Variants in PCDH9 observed in about 807,000 individuals in gnomAD.
PCDH9 encodes the protein protocadherin-9.
PCDH9 carries 24 observed loss-of-function variants against 70.6 expected under a neutral mutation model. That is an observed-to-expected ratio of 0.34 (90% confidence interval 0.25 to 0.48). PCDH9 has a LOEUF of 0.48. Among genes scored for constraint, PCDH9 ranks in the 20% least tolerant of loss-of-function variants. The pLI is 0.99. For missense variants in PCDH9, 1,281 were observed against 1,503.6 expected (o/e 0.85, Z 2.45); for synonymous variants, 562 against 558.5 (o/e 1.01, Z -0.09).
intron 3 of PCDH9, among the ~76,000 whole-genome samples, chr13:66,705,006 AT>A (rs1004673916): frequency 3.3e-5 from 5 of 152,026 alleles, no homozygotes; most frequent in Non-Finnish European, 5.9e-5. Context: ...GCAAATTTTT[AT>A]TTTTTTGAAT....
chr13:67,138,208 A>G (rs2087283059), intron 2 of PCDH9, among the ~76,000 whole-genome samples: 1 of 152,186 alleles, frequency 6.6e-6, no homozygotes, highest in African/African-American at 2.4e-5. Context: ...CCTCCTATAC[A>G]AAATGGCAAA....
At chr13:66,424,877 T>A (rs960346968) in intron 4 of PCDH9, among the ~76,000 whole-genome samples, 2 of 152,036 alleles carry the variant, frequency 1.3e-5, no homozygotes, top group South Asian at 2.1e-4. Flanking sequence ...TACCAGCCAG[T>A]CTTTCATTTC....
chr13:67,171,641 T>G (rs1313810842), intron 2 of PCDH9, among the ~76,000 whole-genome samples: 2 of 152,216 alleles, frequency 1.3e-5, no homozygotes, highest in Non-Finnish European at 2.9e-5. Flanking sequence ...CCTTTAATGG[T>G]GCAGTGCGTA....
intron 4 of PCDH9, among the ~76,000 whole-genome samples, chr13:66,507,162 G>T (rs759604760): frequency 6.6e-6 from 1 of 152,272 alleles, no homozygotes; most frequent in African/African-American, 2.4e-5. Flanking sequence ...TTGATTGCCT[G>T]CCTGAGCTGA....
At chr13:66,346,094 G>A (rs528618459) in intron 4 of PCDH9, among the ~76,000 whole-genome samples, 1 of 152,268 alleles carries the variant, frequency 6.6e-6, no homozygotes, top group African/African-American at 2.4e-5. Flanking sequence ...GGCAGGCGCA[G>A]TGATTTGCTC....
chr13:67,206,523 T>C (rs1268895669), intron 2 of PCDH9: 2 of 152,296 alleles, frequency 1.3e-5, no homozygotes, highest in Middle Eastern at 3.4e-3. Flanking sequence ...TTTGTAAAAC[T>C]GTAGAAAATA....
chr13:66,936,714 C>G (rs1351922373), intron 2 of PCDH9, among the ~76,000 whole-genome samples: 1 of 152,134 alleles, frequency 6.6e-6, no homozygotes, highest in Non-Finnish European at 1.5e-5. Context: ...GAAGCAATGA[C>G]ATCTTTGCAT....
Position 66,575,173 on chromosome 13 carries a change from CA to C in PCDH9, c.3340+56036del, listed in dbSNP as rs561913159. Among the ~76,000 whole-genome samples the C allele has an allele frequency of 1.4e-4, 21 of 145,900 alleles. No individual in the cohort carries two copies. The East Asian group carries it at 1.6e-3, about 11-fold the overall frequency. On this transcript the variant is annotated intron_variant, in intron 4 of 4. Transcript: ENST00000377865. ...GGGTGACAAGAATGGAATTCCATCT[CA>C]AAAAAAAAATACATATATATATATT...
At chr13:66,620,472 T>A (rs2138898535) in intron 4 of PCDH9, among the ~76,000 whole-genome samples, 1 of 152,216 alleles carries the variant, frequency 6.6e-6, no homozygotes, top group African/African-American at 2.4e-5. Context: ...CTACATTGCA[T>A]ACAAACACAC....
intron 3 of PCDH9, among the ~76,000 whole-genome samples, chr13:66,645,963 T>C (rs921351319): frequency 1.3e-5 from 2 of 152,172 alleles, no homozygotes; most frequent in African/African-American, 4.8e-5. Context: ...CCACTTGGCT[T>C]ACACTGGGAG....
intron 4 of PCDH9, among the ~76,000 whole-genome samples, chr13:66,609,680 T>G (rs1175915442): frequency 6.6e-6 from 1 of 152,106 alleles, no homozygotes; most frequent in Non-Finnish European, 1.5e-5. Flanking sequence ...TACATGTCTT[T>G]TTTCTGATTT....
chr13:66,695,107 G>A (rs1184060944), intron 3 of PCDH9, among the ~76,000 whole-genome samples: 1 of 151,982 alleles, frequency 6.6e-6, no homozygotes, highest in African/African-American at 2.4e-5. Flanking sequence ...GTTTCACCGT[G>A]TTAGCCAGGA....
intron 2 of PCDH9, among the ~76,000 whole-genome samples, chr13:67,024,486 A>C (rs1222610375): frequency 6.6e-6 from 1 of 152,166 alleles, no homozygotes; most frequent in East Asian, 1.9e-4. Context: ...AACTTATCAC[A>C]TAATAAATTA....
chr13:67,205,975 C>T (rs2089330709), intron 2 of PCDH9: 1 of 152,114 alleles, frequency 6.6e-6, no homozygotes, highest in South Asian at 2.1e-4. Flanking sequence ...CAGGGTCTTG[C>T]TCTAGTGCCA....
chr13:66,838,571 T>C (rs1281957859), intron 3 of PCDH9, among the ~76,000 whole-genome samples: 1 of 151,962 alleles, frequency 6.6e-6, no homozygotes, highest in Non-Finnish European at 1.5e-5. Context: ...TTTGTTCTAC[T>C]TCATTAAAAT....
chr13:66,707,847 G>A (rs2078732141), intron 3 of PCDH9, among the ~76,000 whole-genome samples: 2 of 152,080 alleles, frequency 1.3e-5, no homozygotes, highest in Non-Finnish European at 2.9e-5. Context: ...GGTTTAATAT[G>A]CTCTCCTTGA....
intron 3 of PCDH9, among the ~76,000 whole-genome samples, chr13:66,852,976 GAGA>G (rs928639897): frequency 3.3e-5 from 5 of 151,576 alleles, no homozygotes; most frequent in African/African-American, 7.3e-5. Context: ...AAGGAAAAAA[GAGA>G]AGAAGAGAAA....
At chr13:66,449,209 C>T (rs907833684) in intron 4 of PCDH9, among the ~76,000 whole-genome samples, 2 of 152,092 alleles carry the variant, frequency 1.3e-5, no homozygotes, top group African/African-American at 4.8e-5. Context: ...AGTATTTGAA[C>T]ATGTAGCCAG....
At chr13:66,632,114 T>C (rs913423731) in intron 3 of PCDH9, among the ~76,000 whole-genome samples, 1 of 152,038 alleles carries the variant, frequency 6.6e-6, no homozygotes, top group Non-Finnish European at 1.5e-5. Flanking sequence ...AGGCTGATCT[T>C]GAACTCCTGA....
Sources: gnomAD v4.1 joint callset for allele counts (sites outside exome capture counted in the v4.1 genomes callset) on GRCh38, gnomAD v4.1.1 for gene constraint, MANE v1.5 for transcripts, NCBI Gene and HGNC (gene_info 2026-07-23, HGNC 2026-07-21) for gene names.